Variants in SSX2IP observed in about 807,000 individuals in gnomAD.
The protein encoded by SSX2IP is afadin- and alpha-actinin-binding protein.
Under a neutral mutation model 84.9 loss-of-function variants are expected in SSX2IP, and 55 were observed. The ratio of observed to expected loss-of-function variants is 0.65; its 90% CI spans 0.52 to 0.81. The LOEUF is 0.81. Ranked by LOEUF, SSX2IP falls within the 30% of genes least tolerant of loss-of-function variation. The probability of loss-of-function intolerance (pLI) is 0.00; values close to 1 mark genes in which losing one functional copy is unlikely to be tolerated. For missense variants in SSX2IP, 664 were observed against 705.2 expected (o/e 0.94, Z 0.66); for synonymous variants, 239 against 234.7 (o/e 1.02, Z -0.17).
intron 1 of SSX2IP, chr1:84,690,024 T>C (rs1187745824): frequency 2.0e-5 from 3 of 149,424 alleles, no homozygotes; most frequent in Admixed American, 1.3e-4. Context: ...GTCCCCGCGC[T>C]GCTCGTCCCC....
In SSX2IP at chr1:84,644,684, G is replaced by GGTT. The variant is rs1649271543; in HGVS notation, c.*2748_*2749insAAC. 1 of 152,070 alleles carries GGTT rather than the reference G, an allele frequency of 6.6e-6. No individual in the cohort carries two copies. The highest frequency in any genetic ancestry group is 2.1e-4 in the South Asian group (1 of 4,812). 9.4% of individuals were successfully genotyped at this position (152,070 alleles called of 1,614,324 possible). On this transcript the variant is annotated 3_prime_UTR_variant, in exon 14 of 14. Coordinates refer to ENST00000342203, the MANE Select transcript of SSX2IP (RefSeq NM_001166293.2). ...AAGGGCTTTCAAATGTTCCACCAGGGGCAGTCAAGACTAGATTCACGGTGC... is the reference window on the plus strand; with the variant it reads ...AAGGGCTTTCAAATGTTCCACCAGGGGTTGCAGTCAAGACTAGATTCACGGTGC...
Position 84,651,905 on chromosome 1 carries a change from T to C in SSX2IP, c.1482A>G (p.Lys494=). 6.2e-7 allele frequency: 1 copy of C among 1,613,234 alleles called. No individual in the cohort carries two copies. Among genetic ancestry groups the C allele is most frequent in the Admixed American group, 1.7e-5 (1 of 60,006 alleles). ...TFDHQNSENV[K]LFSAFSGSSD... ...CACTTCCTGAGAAGGCACTGAAAAG[T>C]TTCACATTTTCTGAGTTCTGGTGGT... Residue 494 remains lysine (K), a synonymous_variant, in exon 12 of 14, where the codon AAA becomes AAG. Coordinates refer to ENST00000342203, the MANE Select transcript of SSX2IP (RefSeq NM_001166293.2).
Position 84,650,393 on chromosome 1 carries a change from A to G in SSX2IP, c.1639T>C (p.Cys547Arg). ...LPASPSTSDF[C>R]QTRSCISEHS... Reference sequence around the variant, plus strand: ...TCAGATATGCAGGAACGTGTCTGGCAAAAGTCTGAAGTGGAAGGTGAAGCA... The same window carrying G: ...TCAGATATGCAGGAACGTGTCTGGCGAAAGTCTGAAGTGGAAGGTGAAGCA... The change falls in exon 13 of 14, where the codon TGC (cysteine) becomes CGC (arginine). Residue 547 changes from cysteine to arginine, a missense_variant. Coordinates refer to ENST00000342203, the MANE Select transcript of SSX2IP (RefSeq NM_001166293.2). 1 of 1,614,202 alleles carries G rather than the reference A, an allele frequency of 6.2e-7. No individual in the cohort carries two copies. The highest frequency in any genetic ancestry group is 8.5e-7 in the Non-Finnish European group (1 of 1,180,026).
At chr1:84,657,088 T>C (rs1651226741) in intron 9 of SSX2IP, among the ~76,000 whole-genome samples, 1 of 152,210 alleles carries the variant, frequency 6.6e-6, no homozygotes, top group African/African-American at 2.4e-5. Context: ...ACAATGGCAC[T>C]GAGTTCATAT....
intron 10 of SSX2IP, 132 bp from the exon 11 acceptor site, chr1:84,656,137 G>T: frequency 2.0e-6 from 2 of 1,009,428 alleles, no homozygotes; most frequent in Non-Finnish European, 2.8e-6. Context: ...AAAGTCAAAT[G>T]AGAATTCTCA....
chr1:84,678,529 A>G (rs1654674845), intron 1 of SSX2IP, among the ~76,000 whole-genome samples: 1 of 152,162 alleles, frequency 6.6e-6, no homozygotes, highest in Non-Finnish European at 1.5e-5. Flanking sequence ...AGTACCACAC[A>G]TTTTACATTT....
At chr1:84,665,282 A>T (rs1469691835) in intron 5 of SSX2IP, among the ~76,000 whole-genome samples, 3 of 152,202 alleles carry the variant, frequency 2.0e-5, no homozygotes, top group African/African-American at 7.2e-5. Context: ...TCAAGGAAAC[A>T]CGTACAAGCA....
intron 1 of SSX2IP, among the ~76,000 whole-genome samples, chr1:84,688,614 T>C (rs562567110): frequency 6.6e-6 from 1 of 152,348 alleles, no homozygotes; most frequent in African/African-American, 2.4e-5. Context: ...AGATCCCAAG[T>C]ATACAATTGG....
intron 12 of SSX2IP, among the ~76,000 whole-genome samples, chr1:84,650,824 C>T (rs932023972): frequency 6.6e-5 from 10 of 152,020 alleles, no homozygotes; most frequent in African/African-American, 2.4e-4. Flanking sequence ...CCTTCCTCAG[C>T]CTCCCGAGTA....
intron 6 of SSX2IP, among the ~76,000 whole-genome samples, chr1:84,663,471 C>T (rs1408338644): frequency 6.6e-6 from 1 of 151,990 alleles, no homozygotes; most frequent in Non-Finnish European, 1.5e-5. Flanking sequence ...ACTCAGGATA[C>T]CTAAAGATTT....
chr1:84,645,137 CCAT>C lies in SSX2IP; in HGVS notation c.*2293_*2295del, dbSNP rs1228750648. 1 of 152,176 alleles carries C rather than the reference CCAT, an allele frequency of 6.6e-6. No homozygotes were observed. 9.4% of individuals were successfully genotyped at this position (152,176 alleles called of 1,614,324 possible). A position where few individuals can be genotyped will look rare whatever the true frequency, so the allele number is the denominator to read the frequency against. ...TTACAAATGGAAGTACACTCTAGAA[CCAT>C]CATCTATCATGGCTAAATGTGAGAT... On this transcript the variant is annotated 3_prime_UTR_variant, in exon 14 of 14. Coordinates refer to ENST00000342203, the MANE Select transcript of SSX2IP (RefSeq NM_001166293.2).
intron 9 of SSX2IP, chr1:84,658,084 C>T (rs1355023114): frequency 2.5e-5 from 10 of 401,886 alleles, no homozygotes; most frequent in East Asian, 1.8e-4. Context: ...TACAGTGAGC[C>T]GAGATGGCAC....
intron 10 of SSX2IP, 125 bp from the exon 11 acceptor site, chr1:84,656,130 G>T: frequency 1.9e-6 from 2 of 1,032,506 alleles, no homozygotes; most frequent in Non-Finnish European, 2.7e-6. Flanking sequence ...GAATCAAAAA[G>T]TCAAATGAGA....
intron 8 of SSX2IP, among the ~76,000 whole-genome samples, chr1:84,660,821 G>A (rs1651841965): frequency 6.7e-6 from 1 of 150,164 alleles, no homozygotes; most frequent in African/African-American, 2.5e-5. Flanking sequence ...GGGAGGCTGA[G>A]GCAGGCGGAT....
At chr1:84,649,077 C>T (rs1257920453) in intron 13 of SSX2IP, among the ~76,000 whole-genome samples, 1 of 152,108 alleles carries the variant, frequency 6.6e-6, no homozygotes, top group African/African-American at 2.4e-5. Context: ...CCCCTTAGAA[C>T]AATATTTGAC....
intron 1 of SSX2IP, among the ~76,000 whole-genome samples, chr1:84,673,147 T>C (rs1557513091): frequency 6.6e-6 from 1 of 152,154 alleles, no homozygotes; most frequent in African/African-American, 2.4e-5. Flanking sequence ...CTGATGGAGA[T>C]AGAAATAAAT....
In SSX2IP at chr1:84,644,137, A is replaced by G. The variant is rs1045173065; in HGVS notation, c.*3296T>C. On this transcript the variant is annotated 3_prime_UTR_variant, in exon 14 of 14. Transcript: ENST00000342203. ...GTCAACATTTTGATTGTAGAAAACA[A>G]AATCTAGCAAACAATCATCTGTTAC... 2.6e-5 allele frequency: 4 copies of G among 152,238 alleles called. No homozygotes were observed. The highest frequency in any genetic ancestry group is 9.6e-5 in the African/African-American group (4 of 41,464). 9.4% of individuals were successfully genotyped at this position (152,238 alleles called of 1,614,324 possible). A position where few individuals can be genotyped will look rare whatever the true frequency, so the allele number is the denominator to read the frequency against.
intron 4 of SSX2IP, 67 bp downstream of exon 4, chr1:84,669,613 AG>A (rs1653248590): frequency 7.9e-7 from 1 of 1,270,690 alleles, no homozygotes; most frequent in African/African-American, 1.5e-5. Context: ...TATTTAATAA[AG>A]TCAGTAAAAA....
At chr1:84,690,071 G>A (rs1225449879) in intron 1 of SSX2IP, 2 of 151,814 alleles carry the variant, frequency 1.3e-5, no homozygotes, top group East Asian at 1.9e-4. Flanking sequence ...TCCCAGAGAG[G>A]GTTTGGGGCT....
Sources: allele counts gnomAD v4.1 joint callset (sites outside exome capture counted in the v4.1 genomes callset), GRCh38; gene constraint gnomAD v4.1.1; transcripts MANE v1.5; gene names NCBI Gene and HGNC (gene_info 2026-07-23, HGNC 2026-07-21).